Variants in CEP85L observed in about 807,000 individuals in gnomAD.
CEP85L encodes centrosomal protein 85L.
CEP85L carries 60 observed loss-of-function variants against 100.3 expected under a neutral mutation model. That is an observed-to-expected ratio of 0.60 (90% CI 0.49 to 0.74). CEP85L has a LOEUF of 0.74. Ranked by LOEUF, CEP85L falls within the 30% of genes least tolerant of loss-of-function variation. The probability of loss-of-function intolerance (pLI) is 0.00; values close to 1 mark genes in which losing one functional copy is unlikely to be tolerated. For synonymous variants in CEP85L, 319 were observed against 322.7 expected (o/e 0.99, Z 0.12); for missense variants, 973 against 936.2 (o/e 1.04, Z -0.51).
intron 3 of CEP85L, among the ~76,000 whole-genome samples, chr6:118,556,809 A>G (rs1215276766): frequency 1.3e-5 from 2 of 152,222 alleles, no homozygotes; most frequent in African/African-American, 4.8e-5. Context: ...ACACATAAGT[A>G]TACTGATTGA....
intron 4 of CEP85L, among the ~76,000 whole-genome samples, chr6:118,523,454 C>T (rs1388146360): frequency 6.6e-6 from 1 of 152,186 alleles, no homozygotes; most frequent in East Asian, 1.9e-4. Flanking sequence ...AGCTTTCCAA[C>T]TGGATAGTTC....
rs190591341 is a variant in CEP85L at position 118,629,040 on chromosome 6, T to C, written c.232+3413A>G. 2.6e-3 allele frequency among the ~76,000 whole-genome samples: 403 copies of C among 152,150 alleles called. 6 individuals are homozygous for C. Among genetic ancestry groups the C allele is most frequent in the Admixed American group, 0.024 (373 of 15,276 alleles). On this transcript the variant is annotated intron_variant, in intron 2 of 12. Coordinates refer to ENST00000368491, the MANE Select transcript of CEP85L (RefSeq NM_001042475.3). ...AACCGTGGATCAAAAATATTAACAATAAAAATAATCAAACTTTAAAAACAA... is the reference window on the plus strand; with the variant it reads ...AACCGTGGATCAAAAATATTAACAACAAAAATAATCAAACTTTAAAAACAA...
At chr6:118,691,258 C>T (rs1042570768) in intron 1 of CEP85L, among the ~76,000 whole-genome samples, 1 of 151,890 alleles carries the variant, frequency 6.6e-6, no homozygotes, top group East Asian at 1.9e-4. Flanking sequence ...CTAGGCCAGG[C>T]ATGGTAGCTC....
In CEP85L at chr6:118,483,817, T is replaced by C. The variant is rs200669850; in HGVS notation, c.1479A>G (p.Lys493=). ...RDRYISSLKK[K]CQKESEQNKE... ...TGTTTTGTTCAGATTCCTTCTGGCATTTCTTTTTCAGACTACTGATGTATC... is the reference window on the plus strand; with the variant it reads ...TGTTTTGTTCAGATTCCTTCTGGCACTTCTTTTTCAGACTACTGATGTATC... Residue 493 remains lysine (K), a synonymous_variant, in exon 7 of 13, where the codon AAA becomes AAG. Coordinates refer to ENST00000368491, the MANE Select transcript of CEP85L (RefSeq NM_001042475.3). The C allele has an allele frequency of 3.3e-4, 538 of 1,613,880 alleles. No homozygotes were observed. Among genetic ancestry groups the C allele is most frequent in the Non-Finnish European group, 4.3e-4 (505 of 1,179,882 alleles).
At chr6:118,569,341 C>CAAAAAAAAAAAAAAAAAA (rs56123225) in intron 2 of CEP85L, among the ~76,000 whole-genome samples, 4 of 68,212 alleles carry the variant, frequency 5.9e-5, no homozygotes, top group Admixed American at 2.5e-4. Context: ...GACTCTGTCT[C>CAAAAAAAAAAAAAAAAAA]AAAAAAAAAA....
At position 118,481,773 on chromosome 6, in the gene CEP85L, T is replaced by G. The variant is rs775218929; in HGVS notation, c.1745+6A>C. 6.6e-7 allele frequency: 1 copy of G among 1,517,828 alleles called. No individual in the cohort carries two copies. The highest frequency in any genetic ancestry group is 1.9e-4 in the Middle Eastern group (1 of 5,216). 94.0% of individuals were successfully genotyped at this position (1,517,828 alleles called of 1,614,324 possible). A position where few individuals can be genotyped will look rare whatever the true frequency, so the allele number is the denominator to read the frequency against. ...TAATGTAGAAGGATTCAGAAAATTT[T>G]CTTACCTCTGAACGGTAGTTACTAA... On this transcript the variant is annotated splice_donor_region_variant and intron_variant, in intron 8 of 12. Transcript: ENST00000368491.
chr6:118,683,244 T>G (rs930916378), intron 1 of CEP85L, among the ~76,000 whole-genome samples: 11 of 152,340 alleles, frequency 7.2e-5, no homozygotes, highest in African/African-American at 2.6e-4. Flanking sequence ...TTTTACCACT[T>G]AAGATGGCAG....
chr6:118,555,344 C>T (rs1341943447), intron 3 of CEP85L, among the ~76,000 whole-genome samples: 2 of 149,654 alleles, frequency 1.3e-5, no homozygotes, highest in Non-Finnish European at 3.0e-5. Flanking sequence ...AGGAGAATGG[C>T]GTGAACCCGG....
intron 2 of CEP85L, among the ~76,000 whole-genome samples, chr6:118,593,796 G>A (rs186249040): frequency 1.2e-3 from 176 of 151,858 alleles, no homozygotes; most frequent in African/African-American, 3.9e-3. Context: ...TACTTCAACA[G>A]CAAGTGGTCT....
intron 10 of CEP85L, among the ~76,000 whole-genome samples, chr6:118,472,610 G>C (rs528535408): frequency 6.6e-5 from 10 of 152,200 alleles, no homozygotes; most frequent in African/African-American, 2.4e-4. Flanking sequence ...ACTTTTTGCA[G>C]AGCATTTTTT....
At chr6:118,590,098 C>T (rs1781098622) in intron 2 of CEP85L, among the ~76,000 whole-genome samples, 1 of 151,982 alleles carries the variant, frequency 6.6e-6, no homozygotes, top group Non-Finnish European at 1.5e-5. Context: ...CTATAAATAT[C>T]TCCATCTGCT....
intron 1 of CEP85L, among the ~76,000 whole-genome samples, chr6:118,660,350 C>T (rs1053196506): frequency 6.6e-6 from 1 of 152,230 alleles, no homozygotes; most frequent in East Asian, 1.9e-4. Context: ...CAGTGAAGCT[C>T]ATATGCCTTG....
chr6:118,604,979 T>C (rs1043082811), intron 2 of CEP85L, among the ~76,000 whole-genome samples: 1 of 152,196 alleles, frequency 6.6e-6, no homozygotes, highest in Non-Finnish European at 1.5e-5. Flanking sequence ...TCTAAGCCAA[T>C]CAATTAGAGC....
intron 5 of CEP85L, among the ~76,000 whole-genome samples, chr6:118,494,096 C>T (rs1305710371): frequency 1.3e-5 from 2 of 152,146 alleles, no homozygotes; most frequent in African/African-American, 4.8e-5. Context: ...TAGGTAGAAA[C>T]AGAGGTTCAT....
chr6:118,678,280 G>C (rs761719757), intron 1 of CEP85L, among the ~76,000 whole-genome samples: 6 of 152,212 alleles, frequency 3.9e-5, no homozygotes, highest in Non-Finnish European at 8.8e-5. Context: ...TGGATCAAGT[G>C]GGAGCCACGG....
At chr6:118,490,394 A>G (rs1423451515) in intron 6 of CEP85L, among the ~76,000 whole-genome samples, 2 of 152,244 alleles carry the variant, frequency 1.3e-5, no homozygotes, top group Non-Finnish European at 2.9e-5. Context: ...AGTTTTAACC[A>G]AAGAAGTAAA....
At chr6:118,625,659 G>A (rs1163308787) in intron 2 of CEP85L, among the ~76,000 whole-genome samples, 2 of 152,144 alleles carry the variant, frequency 1.3e-5, no homozygotes, top group Non-Finnish European at 2.9e-5. Flanking sequence ...TTGTCAACCA[G>A]TCAGGAATTA....
Position 118,491,784 on chromosome 6 carries a change from T to G in CEP85L, c.1339A>C (p.Lys447Gln), listed in dbSNP as rs1418045126. 1 of 1,612,964 alleles carries G rather than the reference T, an allele frequency of 6.2e-7. No homozygotes were observed. The highest frequency in any genetic ancestry group is 8.5e-7 in the Non-Finnish European group (1 of 1,179,478). The stretch of plus-strand genomic sequence containing the variant: ...ACTTCTTTCTCAGTAGATGCAAGCT[T>G]TTGCTCAAATTCCCCTTGTTGGGAA... ...SHSQQGEFEQ[K>Q]LASTEKEVLQ... The change falls in exon 6 of 13, where the codon AAG (lysine) becomes CAG (glutamine). Residue 447 changes from lysine to glutamine, a missense_variant. By Grantham distance (53) the Lys-to-Gln change is moderately conservative. Transcript: ENST00000368491.
Position 118,651,591 on chromosome 6 carries a change from T to A in CEP85L, c.-322A>T. The A allele has an allele frequency of 9.5e-7, 1 of 1,051,942 alleles. No individual in the cohort carries two copies. Among genetic ancestry groups the A allele is most frequent in the Non-Finnish European group, 1.1e-6 (1 of 873,470 alleles). 65.2% of individuals were successfully genotyped at this position (1,051,942 alleles called of 1,614,324 possible). ...GGCGAAGTTGCAGCTGCGGGTTCTC[T>A]CCGCCCCCTCCGCCGGCAGAGCCAG... On this transcript the variant is annotated 5_prime_UTR_variant, in exon 1 of 13. Transcript: ENST00000368491.
Sources: allele counts gnomAD v4.1 joint callset (sites outside exome capture counted in the v4.1 genomes callset), GRCh38; gene constraint gnomAD v4.1.1; transcripts MANE v1.5; gene names NCBI Gene and HGNC (gene_info 2026-07-23, HGNC 2026-07-21).